The following PLPP1 variants were observed in gnomAD, a reference collection of about 807,000 sequenced individuals.
PLPP1 encodes the protein lipid phosphate phosphohydrolase 1a.
A neutral mutation model predicts 31.2 loss-of-function variants in PLPP1; 24 were observed. That is an observed-to-expected ratio of 0.77 (90% CI 0.56 to 1.08). The LOEUF is 1.08. PLPP1 is among the 50% of genes least tolerant of loss of function. The pLI is 0.00. For synonymous variants in PLPP1, 146 were observed against 126.3 expected (o/e 1.16, Z -1.05); for missense variants, 319 against 342.7 (o/e 0.93, Z 0.55).
chr5:55,515,616 T>C (rs997635788), intron 1 of PLPP1, among the ~76,000 whole-genome samples: 71 of 152,276 alleles, frequency 4.7e-4, no homozygotes, highest in African/African-American at 1.5e-3. Flanking sequence ...CTAAACCCAA[T>C]GGACACTCTC....
chr5:55,464,988 C>T (rs1425758397), intron 3 of PLPP1, among the ~76,000 whole-genome samples: 1 of 150,992 alleles, frequency 6.6e-6, no homozygotes, highest in Non-Finnish European at 1.5e-5. Context: ...AGTATCTATT[C>T]TATTTTTTTC....
intron 1 of PLPP1, among the ~76,000 whole-genome samples, chr5:55,483,501 G>A (rs1246351913): frequency 2.6e-5 from 4 of 151,708 alleles, no homozygotes; most frequent in African/African-American, 4.8e-5. Context: ...GTGAAACTCC[G>A]TCTCTATTAA....
chr5:55,476,150 T>C (rs961116233), intron 1 of PLPP1, among the ~76,000 whole-genome samples: 3 of 151,558 alleles, frequency 2.0e-5, no homozygotes, highest in African/African-American at 7.3e-5. Context: ...AGCTGGTTTG[T>C]TGGTTTTTTT....
intron 1 of PLPP1, among the ~76,000 whole-genome samples, chr5:55,519,175 A>G (rs1753612476): frequency 6.6e-6 from 1 of 152,234 alleles, no homozygotes; most frequent in Non-Finnish European, 1.5e-5. Context: ...AAATTTTAAT[A>G]TAGATATCCA....
At chr5:55,444,587 A>G (rs1255306370) in intron 3 of PLPP1, among the ~76,000 whole-genome samples, 2 of 152,164 alleles carry the variant, frequency 1.3e-5, no homozygotes, top group African/African-American at 4.8e-5. Context: ...TCTTACGAAA[A>G]TCTTCTCAGG....
chr5:55,465,805 G>C (rs1346675718), intron 3 of PLPP1, among the ~76,000 whole-genome samples: 1 of 151,978 alleles, frequency 6.6e-6, no homozygotes, highest in Non-Finnish European at 1.5e-5. Context: ...CTCCTCCACT[G>C]AACACTCTGG....
At chr5:55,486,596 A>G (rs1307658562) in intron 1 of PLPP1, among the ~76,000 whole-genome samples, 2 of 151,920 alleles carry the variant, frequency 1.3e-5, no homozygotes, top group African/African-American at 4.8e-5. Context: ...AAAAAATACA[A>G]TAAAATAACA....
At chr5:55,479,128 G>A (rs1185011370) in intron 1 of PLPP1, among the ~76,000 whole-genome samples, 4 of 151,364 alleles carry the variant, frequency 2.6e-5, no homozygotes, top group Admixed American at 6.6e-5. Context: ...GGGTTCAAGC[G>A]ATTCTCCTGC....
In PLPP1 at chr5:55,463,184, G is replaced by C. The variant is rs920175644; in HGVS notation, c.491+4685C>G. Among the ~76,000 whole-genome samples, 11 of 152,072 alleles carry C rather than the reference G, an allele frequency of 7.2e-5. No individual in the cohort carries two copies. The East Asian group carries it at 1.2e-3, about 16-fold the overall frequency. On this transcript the variant is annotated intron_variant, in intron 3 of 5. Transcript: ENST00000307259. ...AAACATCACACACCGGGGCCTGTCA[G>C]GGGGTGTGGGGTAAGGCGTGGGGAG...
chr5:55,524,015 C>T (rs1753728395), intron 1 of PLPP1, among the ~76,000 whole-genome samples: 1 of 152,036 alleles, frequency 6.6e-6, no homozygotes, highest in Non-Finnish European at 1.5e-5. Flanking sequence ...ATTTGCAGCT[C>T]CTAGCATTGT....
At chr5:55,449,969 T>C (rs1751858335) in intron 3 of PLPP1, among the ~76,000 whole-genome samples, 1 of 150,918 alleles carries the variant, frequency 6.6e-6, no homozygotes, top group South Asian at 2.1e-4. Flanking sequence ...AAATATAATA[T>C]AACAAAAAAT....
chr5:55,511,841 T>A (rs1753420695), intron 1 of PLPP1, among the ~76,000 whole-genome samples: 1 of 151,350 alleles, frequency 6.6e-6, no homozygotes, highest in Admixed American at 6.6e-5. Flanking sequence ...TTTTTTTTTT[T>A]TTTATTTTTA....
At chr5:55,528,217 GAA>G in intron 1 of PLPP1, among the ~76,000 whole-genome samples, 1 of 147,402 alleles carries the variant, frequency 6.8e-6, no homozygotes, top group East Asian at 2.0e-4. Context: ...AGTTGGAAAA[GAA>G]AAAAAAAAGC....
At position 55,434,139 on chromosome 5, in the gene PLPP1, A is replaced by T. The variant is rs537316180; in HGVS notation, c.549+7712T>A. Among the ~76,000 whole-genome samples, 149 of 150,706 alleles carry T rather than the reference A, an allele frequency of 9.9e-4. 1 individual carries two copies. Among genetic ancestry groups the T allele is most frequent in the African/African-American group, 3.5e-3 (140 of 40,322 alleles). On this transcript the variant is annotated intron_variant, in intron 4 of 5. Coordinates refer to ENST00000307259, the MANE Select transcript of PLPP1 (RefSeq NM_003711.4). The stretch of plus-strand genomic sequence containing the variant: ...CTGAGTGAGACTCTGTCTCAAAAAA[A>T]AAAAAAAAAAGAGCAATCCCATTAA...
intron 4 of PLPP1, among the ~76,000 whole-genome samples, chr5:55,429,684 C>G (rs1218982390): frequency 2.0e-5 from 3 of 152,082 alleles, no homozygotes; most frequent in Admixed American, 2.0e-4. Context: ...CCCTGAGGCC[C>G]AACAGCCCCT....
chr5:55,486,965 G>C (rs1471991108), intron 1 of PLPP1, among the ~76,000 whole-genome samples: 1 of 150,560 alleles, frequency 6.6e-6, no homozygotes, highest in Non-Finnish European at 1.5e-5. Context: ...TACATTTCCA[G>C]TTTAGGTCAC....
chr5:55,485,749 G>A (rs1020978740), intron 1 of PLPP1, among the ~76,000 whole-genome samples: 1 of 151,968 alleles, frequency 6.6e-6, no homozygotes, highest in East Asian at 1.9e-4. Flanking sequence ...CAGAAAGAAC[G>A]ATTACTATTC....
At chr5:55,530,371 G>T in intron 1 of PLPP1, 1 of 1,320,926 alleles carries the variant, frequency 7.6e-7, no homozygotes, top group Non-Finnish European at 1.1e-6. Context: ...CTGTTAGAGT[G>T]ATCCAGTAAA....
At chr5:55,444,582 C>A (rs974258685) in intron 3 of PLPP1, among the ~76,000 whole-genome samples, 2 of 152,040 alleles carry the variant, frequency 1.3e-5, no homozygotes, top group Non-Finnish European at 1.5e-5. Context: ...CCAAATCTTA[C>A]GAAAATCTTC....
Sources: gnomAD v4.1 joint callset for allele counts (sites outside exome capture counted in the v4.1 genomes callset) on GRCh38, gnomAD v4.1.1 for gene constraint, MANE v1.5 for transcripts, NCBI Gene and HGNC (gene_info 2026-07-23, HGNC 2026-07-21) for gene names.